Variants in ABCB4 observed in about 807,000 individuals in gnomAD.
ABCB4 encodes the protein phosphatidylcholine translocator ABCB4.
A neutral mutation model predicts 145.7 loss-of-function variants in ABCB4; 76 were observed. That is an observed-to-expected ratio of 0.52 (90% CI 0.43 to 0.63). The LOEUF is 0.63. Ranked by LOEUF, ABCB4 falls within the 30% of genes least tolerant of loss-of-function variation. The probability of loss-of-function intolerance (pLI) is 0.00; values close to 1 mark genes in which losing one functional copy is unlikely to be tolerated. For synonymous variants in ABCB4, 517 were observed against 566.8 expected (o/e 0.91, Z 1.25); for missense variants, 1,234 against 1,553.1 (o/e 0.79, Z 3.45).
At chr7:87,415,424 T>C (rs1455259068) in intron 21 of ABCB4, among the ~76,000 whole-genome samples, 2 of 152,218 alleles carry the variant, frequency 1.3e-5, no homozygotes, top group East Asian at 1.9e-4. Flanking sequence ...TATTAAACTA[T>C]GATTGAACTG....
At chr7:87,469,852 G>C (rs1813233603) in intron 3 of ABCB4, among the ~76,000 whole-genome samples, 2 of 152,132 alleles carry the variant, frequency 1.3e-5, no homozygotes, top group African/African-American at 4.8e-5. Flanking sequence ...TTTCTTCATA[G>C]AATTGGAAAA....
intron 15 of ABCB4, among the ~76,000 whole-genome samples, chr7:87,430,709 A>G (rs1420055838): frequency 7.9e-5 from 12 of 152,044 alleles, no homozygotes. Context: ...TATTTTTAGT[A>G]GAGATGGGGG....
chr7:87,431,301 G>C, intron 15 of ABCB4, 103 bp downstream of exon 15: 1 of 1,459,472 alleles, frequency 6.9e-7, no homozygotes, highest in Non-Finnish European at 9.5e-7. Context: ...TCTTGTTGAA[G>C]TTTCTTCTTG....
chr7:87,413,783 C>A lies in ABCB4; in HGVS notation c.2683-66G>T. 8.1e-6 allele frequency: 9 copies of A among 1,116,456 alleles called. No individual in the cohort carries two copies. The Middle Eastern group carries it at 7.4e-4, about 92-fold the overall frequency. 69.2% of individuals were successfully genotyped at this position (1,116,456 alleles called of 1,614,324 possible). On this transcript the variant is annotated intron_variant, in intron 21 of 27. Transcript: ENST00000649586. ...ACTTCTGAAATAATGAAAAATAAGCCCTAGGGCTCTGTCAAAAGTATCCTG... is the reference window on the plus strand; with the variant it reads ...ACTTCTGAAATAATGAAAAATAAGCACTAGGGCTCTGTCAAAAGTATCCTG...
chr7:87,391,603 A>G, the ABCB4 span: 4 of 1,594,960 alleles, frequency 2.5e-6, no homozygotes, highest in Non-Finnish European at 3.4e-6. Context: ...GGTTGTTGCT[A>G]TGAAACAGCT....
chr7:87,429,495 C>G (rs940052011), intron 15 of ABCB4, among the ~76,000 whole-genome samples: 1 of 152,184 alleles, frequency 6.6e-6, no homozygotes, highest in African/African-American at 2.4e-5. Flanking sequence ...CTGTCTGCAT[C>G]TCTTTAGCAG....
chr7:87,471,659 C>T (rs903113829), intron 3 of ABCB4, among the ~76,000 whole-genome samples: 1 of 152,130 alleles, frequency 6.6e-6, no homozygotes, highest in East Asian at 1.9e-4. Context: ...TCTTTGCTAC[C>T]AAATAATGGC....
At chr7:87,384,308 G>C in the ABCB4 span, among the ~76,000 whole-genome samples, 2 of 152,180 alleles carry the variant, frequency 1.3e-5, no homozygotes, top group East Asian at 1.9e-4. Flanking sequence ...GAGGTGGGCA[G>C]ATCACCTGAG....
Position 87,409,400 on chromosome 7 carries a change from G to A in ABCB4, c.2925-8C>T, listed in dbSNP as rs756238268. On this transcript the variant is annotated splice_polypyrimidine_tract_variant and splice_region_variant and intron_variant, in intron 23 of 27. Coordinates refer to ENST00000649586, the MANE Select transcript of ABCB4 (RefSeq NM_000443.4). ...ACAATTGCAGAAAACACCCTAGACA[G>A]AAGTAGAGGAATTCAAAAATTAGCT... is the stretch of plus-strand genomic sequence containing the variant. 6.2e-5 allele frequency: 100 copies of A among 1,613,672 alleles called. No homozygotes were observed. The highest frequency in any genetic ancestry group is 4.7e-4 in the Admixed American group (28 of 60,024).
the ABCB4 span, among the ~76,000 whole-genome samples, chr7:87,367,554 C>T: frequency 1.3e-5 from 2 of 152,114 alleles, no homozygotes; most frequent in African/African-American, 4.8e-5. Flanking sequence ...CAAATATTTG[C>T]CCATTCTCTA....
chr7:87,470,764 T>C (rs932125440), intron 3 of ABCB4, among the ~76,000 whole-genome samples: 2 of 152,206 alleles, frequency 1.3e-5, no homozygotes, highest in African/African-American at 2.4e-5. Context: ...TTTTACACTA[T>C]TGGTGGGACT....
chr7:87,434,595 G>T (rs893151364), intron 14 of ABCB4, among the ~76,000 whole-genome samples: 5 of 151,818 alleles, frequency 3.3e-5, no homozygotes, highest in Non-Finnish European at 7.4e-5. Context: ...TAAAAATACA[G>T]AAATTAGCTG....
the ABCB4 span, chr7:87,369,367 T>A: frequency 6.3e-7 from 1 of 1,585,772 alleles, no homozygotes; most frequent in Non-Finnish European, 8.6e-7. Context: ...TTTCTGTTTC[T>A]GTTTCCAGAG....
intron 3 of ABCB4, among the ~76,000 whole-genome samples, chr7:87,470,546 A>T (rs926124288): frequency 3.9e-5 from 6 of 152,200 alleles, no homozygotes; most frequent in African/African-American, 1.2e-4. Flanking sequence ...CCCCACCAAC[A>T]AGTGGGTGAA....
At chr7:87,467,610 C>G (rs1256025908) in intron 3 of ABCB4, among the ~76,000 whole-genome samples, 1 of 152,200 alleles carries the variant, frequency 6.6e-6, no homozygotes, top group African/African-American at 2.4e-5. Context: ...CAGCACCACA[C>G]TGCACTTACT....
the ABCB4 span, among the ~76,000 whole-genome samples, chr7:87,392,402 G>A: frequency 6.6e-6 from 1 of 152,116 alleles, no homozygotes; most frequent in Non-Finnish European, 1.5e-5. Context: ...AAGACTAGGC[G>A]ATAGAATAAC....
chr7:87,471,527 A>C (rs1350397267), intron 3 of ABCB4, among the ~76,000 whole-genome samples: 2 of 152,204 alleles, frequency 1.3e-5, no homozygotes, highest in Non-Finnish European at 2.9e-5. Context: ...AAGACAATGA[A>C]TAGGGGCTTT....
At chr7:87,383,413 T>G in the ABCB4 span, among the ~76,000 whole-genome samples, 22 of 152,218 alleles carry the variant, frequency 1.4e-4, no homozygotes, top group Admixed American at 1.4e-3. Flanking sequence ...TTATCCAGCC[T>G]TACCCATGTT....
intron 14 of ABCB4, among the ~76,000 whole-genome samples, chr7:87,438,791 T>C (rs376978587): frequency 3.2e-4 from 48 of 152,182 alleles, no homozygotes; most frequent in East Asian, 1.9e-3. Context: ...TGATAAACCA[T>C]GAGGCATTAA....
Sources: allele counts gnomAD v4.1 joint callset (sites outside exome capture counted in the v4.1 genomes callset), GRCh38; gene constraint gnomAD v4.1.1; transcripts MANE v1.5; gene names NCBI Gene and HGNC (gene_info 2026-07-23, HGNC 2026-07-21).